Variants in DOCK5 observed in about 807,000 individuals in gnomAD.
DOCK5 encodes the protein dedicator of cytokinesis protein 5.
DOCK5 carries 142 observed loss-of-function variants against 251.8 expected under a neutral mutation model. The ratio of observed to expected loss-of-function variants is 0.56; its 90% confidence interval spans 0.49 to 0.65. The LOEUF is 0.65. Among genes scored for constraint, DOCK5 ranks in the 30% least tolerant of loss-of-function variants. The pLI is 0.00. For synonymous variants in DOCK5, 842 were observed against 835.5 expected, an observed-to-expected ratio of 1.01 and a Z score of -0.13; for missense variants, 2,111 against 2,312.3, an observed-to-expected ratio of 0.91 and a Z score of 1.79.
chr8:25,279,304 G>A (rs574499182), intron 5 of DOCK5, among the ~76,000 whole-genome samples: 5 of 152,222 alleles, frequency 3.3e-5, no homozygotes, highest in South Asian at 2.1e-4. Flanking sequence ...CATCCTCTCC[G>A]TAATAAACAA....
chr8:25,275,563 G>C lies in DOCK5; in HGVS notation c.224+122G>C, dbSNP rs915840610. 6.2e-6 allele frequency: 6 copies of C among 968,874 alleles called. No individual in the cohort carries two copies. In the African/African-American group the frequency reaches 1.0e-4, roughly 17 times the overall value. The allele number at this position is 968,874 out of a possible 1,614,324, so 60.0% of individuals were successfully genotyped here. A position where few individuals can be genotyped will look rare whatever the true frequency, so the allele number is the denominator to read the frequency against. ...AGTTCTCTCATCTCAGGCCAGGCGT[G>C]GTGGCTCACGCCTGTAATCCCAGCA... On this transcript the variant is annotated intron_variant, in intron 4 of 51. Transcript: ENST00000276440.
At chr8:25,251,616 GCAGTGTTATGA>G (rs1425337065) in intron 2 of DOCK5, among the ~76,000 whole-genome samples, 6 of 152,168 alleles carry the variant, frequency 3.9e-5, no homozygotes, top group Non-Finnish European at 7.3e-5. Flanking sequence ...GGGACAGTGG[GCAGTGTTATGA>G]CAGGTAAGTT....
At chr8:25,222,073 G>A (rs1352044233) in intron 1 of DOCK5, among the ~76,000 whole-genome samples, 3 of 152,140 alleles carry the variant, frequency 2.0e-5, no homozygotes, top group African/African-American at 7.2e-5. Flanking sequence ...GGTTTTTGCT[G>A]TTTAGGACAC....
chr8:25,250,676 A>G (rs989843430), intron 2 of DOCK5, among the ~76,000 whole-genome samples: 1 of 152,198 alleles, frequency 6.6e-6, no homozygotes, highest in Non-Finnish European at 1.5e-5. Flanking sequence ...ACAAAATGCA[A>G]GTTCCTGCTC....
At chr8:25,390,091 A>C (rs1028304605) in intron 41 of DOCK5, 115 bp from the exon 42 acceptor site, 5 of 731,978 alleles carry the variant, frequency 6.8e-6, no homozygotes, top group African/African-American at 3.6e-5. Flanking sequence ...TTGGGGTCAA[A>C]GGGAGTGATT....
At chr8:25,189,404 A>G (rs564967891) in intron 1 of DOCK5, among the ~76,000 whole-genome samples, 1 of 151,984 alleles carries the variant, frequency 6.6e-6, no homozygotes, top group South Asian at 2.1e-4. Context: ...TCTGTAACCC[A>G]GGATAGAGTG....
intron 44 of DOCK5, among the ~76,000 whole-genome samples, chr8:25,393,121 T>C (rs1801289292): frequency 6.6e-6 from 1 of 152,054 alleles, no homozygotes; most frequent in African/African-American, 2.4e-5. Context: ...TCCAGAGGAG[T>C]GGTGTCTGCT....
chr8:25,185,279 C>G (rs545763109), intron 1 of DOCK5, among the ~76,000 whole-genome samples: 2 of 152,298 alleles, frequency 1.3e-5, no homozygotes, highest in Admixed American at 6.5e-5. Flanking sequence ...GGCCGCAGCT[C>G]TGTGGCTCGC....
At chr8:25,328,742 C>T (rs767578760) in intron 18 of DOCK5, among the ~76,000 whole-genome samples, 20 of 152,110 alleles carry the variant, frequency 1.3e-4, no homozygotes, top group Non-Finnish European at 2.8e-4. Flanking sequence ...TGTGTGGGAT[C>T]ATTGGTTTCT....
intron 14 of DOCK5, among the ~76,000 whole-genome samples, chr8:25,318,291 A>G (rs975854251): frequency 1.3e-5 from 2 of 151,660 alleles, no homozygotes; most frequent in Non-Finnish European, 2.9e-5. Flanking sequence ...GGGTTTCACT[A>G]TGTTAGCCAG....
intron 25 of DOCK5, among the ~76,000 whole-genome samples, chr8:25,345,108 A>C (rs1223806984): frequency 5.9e-5 from 9 of 151,416 alleles, no homozygotes; most frequent in African/African-American, 1.9e-4. Flanking sequence ...AAATTTTTGA[A>C]AAAAAAAATG....
intron 6 of DOCK5, 40 bp downstream of exon 6, chr8:25,292,212 G>A (rs546482493): frequency 4.6e-6 from 7 of 1,518,298 alleles, no homozygotes; most frequent in East Asian, 2.4e-5. Flanking sequence ...AAAACTTGGC[G>A]AACAGTGGGC....
At chr8:25,356,910 TATATATA>T (rs1563214144) in intron 27 of DOCK5, among the ~76,000 whole-genome samples, 158 of 826 alleles carry the variant, frequency 0.19, 1 homozygote, top group African/African-American at 0.32. Flanking sequence ...ATGAAGATTA[TATATATA>T]TATATATATA....
At chr8:25,336,399 T>C (rs1473747461) in intron 22 of DOCK5, 26 bp downstream of exon 22, 1 of 1,607,730 alleles carries the variant, frequency 6.2e-7, no homozygotes, top group South Asian at 1.1e-5. Flanking sequence ...GTGAAGATGT[T>C]TAGATTATCA....
At chr8:25,229,829 ACT>A (rs1802625138) in intron 1 of DOCK5, among the ~76,000 whole-genome samples, 1 of 151,960 alleles carries the variant, frequency 6.6e-6, no homozygotes, top group African/African-American at 2.4e-5. Context: ...TTATTCCTCC[ACT>A]GTTTTTATTG....
In DOCK5 at chr8:25,210,043, T is replaced by TATATATATATAA. The variant is rs1563309184; in HGVS notation, c.43+25092_43+25093insATATATATATAA. On this transcript the variant is annotated intron_variant, in intron 1 of 51. Transcript: ENST00000276440. ...ATATATATATATATATAAATGTGTG[T>TATATATATATAA]GTGTGTGTGTGTGTGTGTGTGTGTG... 7.9e-5 allele frequency among the ~76,000 whole-genome samples: 2 copies of TATATATATATAA among 25,208 alleles called. 1 individual carries two copies. Among genetic ancestry groups the TATATATATATAA allele is most frequent in the Non-Finnish European group, 1.7e-4 (2 of 11,840 alleles). The allele number at this position is 25,208 out of a possible 152,430, so 16.5% of individuals were successfully genotyped here. A position where few individuals can be genotyped will look rare whatever the true frequency, so the allele number is the denominator to read the frequency against.
At chr8:25,248,591 A>G (rs1048468744) in intron 2 of DOCK5, among the ~76,000 whole-genome samples, 1 of 151,914 alleles carries the variant, frequency 6.6e-6, no homozygotes, top group Non-Finnish European at 1.5e-5. Context: ...GTGGACATGA[A>G]TCCACCCAGA....
chr8:25,189,563 G>T (rs1801523611), intron 1 of DOCK5, among the ~76,000 whole-genome samples: 1 of 152,102 alleles, frequency 6.6e-6, no homozygotes, highest in Non-Finnish European at 1.5e-5. Context: ...GTTTCACCAT[G>T]TTGCCCAGGC....
intron 30 of DOCK5, 77 bp from the exon 31 acceptor site, chr8:25,366,793 A>T: frequency 9.3e-7 from 1 of 1,077,370 alleles, no homozygotes; most frequent in Non-Finnish European, 1.4e-6. Context: ...ACTTTTTACC[A>T]TGTGACATTG....
Sources: gnomAD v4.1 joint callset for allele counts (sites outside exome capture counted in the v4.1 genomes callset) on GRCh38, gnomAD v4.1.1 for gene constraint, MANE v1.5 for transcripts, NCBI Gene and HGNC (gene_info 2026-07-23, HGNC 2026-07-21) for gene names.